Variants in OXR1 observed in about 807,000 individuals in gnomAD.
OXR1 encodes the protein oxidation resistance 1, also known as oxidation resistance protein 1.
OXR1 carries 41 observed loss-of-function variants against 104.6 expected under a neutral mutation model. The ratio of observed to expected loss-of-function variants is 0.39; its 90% CI spans 0.31 to 0.51. The LOEUF is 0.51. Among genes scored for constraint, OXR1 ranks in the 20% least tolerant of loss-of-function variants. OXR1 has a pLI of 0.77. For missense variants in OXR1, 955 were observed against 1,031.9 expected, an observed-to-expected ratio of 0.93 and a Z score of 1.02; for synonymous variants, 348 against 348.4, an observed-to-expected ratio of 1.00 and a Z score of 0.01.
chr8:106,547,499 T>C (rs1401474789), intron 3 of OXR1, among the ~76,000 whole-genome samples: 1 of 148,908 alleles, frequency 6.7e-6, no homozygotes, highest in Non-Finnish European at 1.5e-5. Flanking sequence ...TTTCTTTTTT[T>C]TTTTTTTTTT....
intron 4 of OXR1, 53 bp from the exon 5 acceptor site, chr8:106,683,141 TTATAG>T (rs1335446730): frequency 2.5e-6 from 2 of 812,558 alleles, no homozygotes; most frequent in Non-Finnish European, 4.1e-6. Context: ...TCATTAAATA[TTATAG>T]TTTAGTTTTT....
In OXR1 at chr8:106,716,350, C is replaced by T. The variant is rs562806813; in HGVS notation, c.1956+2365C>T. Among the ~76,000 whole-genome samples the T allele has an allele frequency of 4.2e-4, 11 of 26,388 alleles. 3 individuals carry two copies. Among genetic ancestry groups the T allele is most frequent in the East Asian group, 1.5e-3 (1 of 664 alleles). The allele number at this position is 26,388 out of a possible 152,430, so 17.3% of individuals were successfully genotyped here. The stretch of plus-strand genomic sequence containing the variant: ...TATAAAATACACACTGGAGGCCGGG[C>T]GCGGTGGCTCACGCCTGTAATCCCA... On this transcript the variant is annotated intron_variant, in intron 11 of 16. Coordinates refer to ENST00000517566, the MANE Select transcript of OXR1 (RefSeq NM_001198533.2).
At chr8:106,299,248 A>G (rs187326588) in intron 1 of OXR1, among the ~76,000 whole-genome samples, 22 of 151,950 alleles carry the variant, frequency 1.4e-4, no homozygotes, top group Admixed American at 1.3e-3. Context: ...GAAAGATAAG[A>G]ACATGGCAGA....
At chr8:106,412,600 A>G (rs948039417) in intron 2 of OXR1, among the ~76,000 whole-genome samples, 1 of 151,832 alleles carries the variant, frequency 6.6e-6, no homozygotes, top group Non-Finnish European at 1.5e-5. Context: ...TTCAAGGTGG[A>G]GTGAGTACGC....
At chr8:106,690,099 T>C (rs1829130290) in intron 6 of OXR1, among the ~76,000 whole-genome samples, 1 of 150,916 alleles carries the variant, frequency 6.6e-6, no homozygotes, top group African/African-American at 2.4e-5. Flanking sequence ...TTATCTCTTT[T>C]ATAGAATATA....
intron 1 of OXR1, among the ~76,000 whole-genome samples, chr8:106,343,571 A>G (rs528798935): frequency 6.6e-6 from 1 of 152,238 alleles, no homozygotes; most frequent in Admixed American, 6.5e-5. Context: ...CAACCTTCCC[A>G]TGAAGAGATT....
chr8:106,728,245 T>TA (rs1467145115), intron 11 of OXR1, among the ~76,000 whole-genome samples: 2 of 148,848 alleles, frequency 1.3e-5, no homozygotes, highest in African/African-American at 5.0e-5. Context: ...AAAAAAATTC[T>TA]AAGAGAATAA....
chr8:106,411,488 G>A lies in OXR1; in HGVS notation c.23+51852G>A, dbSNP rs567575414. On this transcript the variant is annotated intron_variant, in intron 2 of 16. Transcript: ENST00000517566. ...GTTCATTCAGGAAGCCTCTGGTATCGTGGAGGAGACAAGTAAAAGATGCCT... is the reference window on the plus strand; with the variant it reads ...GTTCATTCAGGAAGCCTCTGGTATCATGGAGGAGACAAGTAAAAGATGCCT... Among the ~76,000 whole-genome samples the A allele has an allele frequency of 1.8e-4, 28 of 152,292 alleles. No individual in the cohort carries two copies. The East Asian group carries it at 2.3e-3, about 13-fold the overall frequency.
At chr8:106,432,132 A>G (rs1359673273) in intron 2 of OXR1, among the ~76,000 whole-genome samples, 2 of 152,130 alleles carry the variant, frequency 1.3e-5, no homozygotes, top group Admixed American at 6.5e-5. Context: ...TGCCCTTGCT[A>G]CTTCCCTAGT....
At chr8:106,415,133 G>A (rs111275910) in intron 2 of OXR1, among the ~76,000 whole-genome samples, 8,673 of 152,074 alleles carry the variant, frequency 0.057, 352 homozygotes, top group Non-Finnish European at 0.083. Context: ...TCACTTATTT[G>A]ACTCCACAGT....
intron 1 of OXR1, among the ~76,000 whole-genome samples, chr8:106,289,776 TGTA>T (rs1330020056): frequency 6.6e-6 from 1 of 152,098 alleles, no homozygotes; most frequent in African/African-American, 2.4e-5. Context: ...CATCTTGAAT[TGTA>T]GTTCTCATAA....
At chr8:106,731,376 C>G (rs1425582526) in intron 11 of OXR1, among the ~76,000 whole-genome samples, 1 of 152,068 alleles carries the variant, frequency 6.6e-6, no homozygotes. Flanking sequence ...CTTTTTCATT[C>G]TCTTGACAGT....
chr8:106,499,897 A>T lies in OXR1; in HGVS notation c.24-19046A>T, dbSNP rs1453221. Among the ~76,000 whole-genome samples the T allele has an allele frequency of 9.8e-3, 1,486 of 152,314 alleles. 24 individuals are homozygous for T. The highest frequency in any genetic ancestry group is 0.034 in the African/African-American group (1,402 of 41,562). ...TGTCTCAGCAGTGACTTGCAATTGC[A>T]AATCATTGCCTGAATAATTAAGCAG... On this transcript the variant is annotated intron_variant, in intron 2 of 16. Transcript: ENST00000517566.
At chr8:106,623,398 A>G (rs909879014) in intron 3 of OXR1, among the ~76,000 whole-genome samples, 1 of 152,176 alleles carries the variant, frequency 6.6e-6, no homozygotes, top group Non-Finnish European at 1.5e-5. Context: ...AGTAAAAAAA[A>G]AACACTAGGG....
At chr8:106,633,223 T>G (rs752706328) in intron 3 of OXR1, among the ~76,000 whole-genome samples, 95 of 151,560 alleles carry the variant, frequency 6.3e-4, no homozygotes, top group Non-Finnish European at 1.1e-3. Context: ...CACAGTGAGA[T>G]TCCATCAAAA....
rs1448293672 is a variant in OXR1, at chr8:106,739,401, A to G, written c.2038-57A>G. On this transcript the variant is annotated intron_variant, in intron 12 of 16. Coordinates refer to ENST00000517566, the MANE Select transcript of OXR1 (RefSeq NM_001198533.2). Reference sequence around the variant, plus strand: ...CTTTATTTATCTGAAAAGTCTGACAATTTTGAAAGCATGTCACAAGTTTAC... The same window carrying G: ...CTTTATTTATCTGAAAAGTCTGACAGTTTTGAAAGCATGTCACAAGTTTAC... 8.0e-6 allele frequency: 12 copies of G among 1,503,954 alleles called. No homozygotes were observed. In the Admixed American group the frequency reaches 8.9e-5, roughly 11 times the overall value. The allele number at this position is 1,503,954 out of a possible 1,614,324, so 93.2% of individuals were successfully genotyped here.
At chr8:106,626,204 T>C (rs1328135421) in intron 3 of OXR1, among the ~76,000 whole-genome samples, 1 of 151,980 alleles carries the variant, frequency 6.6e-6, no homozygotes, top group Admixed American at 6.6e-5. Context: ...AATCCTGTTT[T>C]TCCTTGTAAA....
chr8:106,319,672 G>A lies in OXR1; in HGVS notation c.-138-39804G>A, dbSNP rs567089577. Among the ~76,000 whole-genome samples the A allele has an allele frequency of 3.7e-4, 56 of 152,284 alleles. No individual in the cohort carries two copies. The South Asian group carries it at 8.9e-3, about 24-fold the overall frequency. On this transcript the variant is annotated intron_variant, in intron 1 of 16. Transcript: ENST00000517566. ...ATTGCATTAAGAAGCAGCTGCAGCCGTTTTCCCGTAGGCAGCATTCTGAGG... is the reference window on the plus strand; with the variant it reads ...ATTGCATTAAGAAGCAGCTGCAGCCATTTTCCCGTAGGCAGCATTCTGAGG...
intron 2 of OXR1, among the ~76,000 whole-genome samples, chr8:106,426,369 T>C (rs1819120251): frequency 6.6e-6 from 1 of 152,136 alleles, no homozygotes; most frequent in South Asian, 2.1e-4. Flanking sequence ...TTTTAAACAA[T>C]TGATTGAAAG....
Sources: allele counts gnomAD v4.1 joint callset (sites outside exome capture counted in the v4.1 genomes callset), GRCh38; gene constraint gnomAD v4.1.1; transcripts MANE v1.5; gene names NCBI Gene and HGNC (gene_info 2026-07-23, HGNC 2026-07-21).